ADAMTS13: variants seen among roughly 807,000 people sequenced by gnomAD.
ADAMTS13 encodes the protein ADAM metallopeptidase with thrombospondin type 1 motif 13, also known as A disintegrin and metalloproteinase with thrombospondin motifs 13.
A neutral mutation model predicts 155.1 loss-of-function variants in ADAMTS13; 110 were observed. The ratio of observed to expected loss-of-function variants is 0.71; its 90% CI spans 0.61 to 0.83. The LOEUF is 0.83. Among genes scored for constraint, ADAMTS13 ranks in the 40% least tolerant of loss-of-function variants. The probability of loss-of-function intolerance (pLI) is 0.00; values close to 1 mark genes in which losing one functional copy is unlikely to be tolerated. For missense variants in ADAMTS13, 1,707 were observed against 1,891.7 expected (o/e 0.90, Z 1.81); for synonymous variants, 758 against 756.4 (o/e 1.00, Z -0.03).
intron 23 of ADAMTS13, among the ~76,000 whole-genome samples, chr9:133,453,069 A>G (rs1446578757): frequency 6.6e-6 from 1 of 151,732 alleles, no homozygotes; most frequent in African/African-American, 2.4e-5. Context: ...TGGGAGGCTG[A>G]GGCGGGAGGA....
At chr9:133,414,503 C>T (rs1839436846) in exon 1 of ADAMTS13, 1 of 745,004 alleles carries the variant, frequency 1.3e-6, no homozygotes, top group Non-Finnish European at 2.4e-6. Flanking sequence ...ATCATGCGCA[C>T]ACTCTAGGGG....
Position 133,459,299 on chromosome 9 carries a change from G to A in ADAMTS13, c.*119G>A. The A allele has an allele frequency of 9.5e-7, 1 of 1,052,922 alleles. No homozygotes were observed. The highest frequency in any genetic ancestry group is 2.9e-4 in the Middle Eastern group (1 of 3,464). 65.2% of individuals were successfully genotyped at this position (1,052,922 alleles called of 1,614,324 possible). A position where few individuals can be genotyped will look rare whatever the true frequency, so the allele number is the denominator to read the frequency against. ...TATCTACTTTAGAGTCTTCTCCAAT[G>A]TCCAAAAGGCTAGGGGGTTGGAGGT... On this transcript the variant is annotated 3_prime_UTR_variant, in exon 29 of 29. Transcript: ENST00000355699.
At chr9:133,431,656 A>T (rs1840775383) in intron 8 of ADAMTS13, among the ~76,000 whole-genome samples, 1 of 145,474 alleles carries the variant, frequency 6.9e-6, no homozygotes, top group African/African-American at 2.5e-5. Context: ...ATTTTATTTT[A>T]TTTATTTATT....
chr9:133,446,263 G>A (rs1017297351), intron 21 of ADAMTS13, among the ~76,000 whole-genome samples: 2 of 152,190 alleles, frequency 1.3e-5, no homozygotes, highest in South Asian at 2.1e-4. Context: ...ATTGTTGTGC[G>A]GCCATCACCA....
Position 133,425,415 on chromosome 9 carries a change from TG to T in ADAMTS13, c.331-112del. ...CGCCCCGCCCGGTTCCCACACATGCTGGTGGAGTAGCCTCTCCAGCTCTTCA... is the reference window on the plus strand; with the variant it reads ...CGCCCCGCCCGGTTCCCACACATGCTGTGGAGTAGCCTCTCCAGCTCTTCA... On this transcript the variant is annotated intron_variant, in intron 3 of 28. Coordinates refer to ENST00000355699, the MANE Select transcript of ADAMTS13 (RefSeq NM_139027.6). The surrounding 1 kb of genome is among the most constrained non-coding windows in gnomAD (Gnocchi z 4.6). 1.2e-6 allele frequency: 1 copy of T among 843,942 alleles called. No individual in the cohort carries two copies. Among genetic ancestry groups the T allele is most frequent in the Non-Finnish European group, 1.9e-6 (1 of 527,604 alleles). The allele number at this position is 843,942 out of a possible 1,614,324, so 52.3% of individuals were successfully genotyped here.
intron 27 of ADAMTS13, among the ~76,000 whole-genome samples, 182 bp from the exon 28 acceptor site, chr9:133,457,728 G>A (rs1357159403): frequency 6.6e-6 from 1 of 152,230 alleles, no homozygotes; most frequent in African/African-American, 2.4e-5. Context: ...AGAACATTTA[G>A]CCTTTGCCTA....
At chr9:133,436,208 A>G (rs1841200927) in intron 11 of ADAMTS13, among the ~76,000 whole-genome samples, 1 of 151,274 alleles carries the variant, frequency 6.6e-6, no homozygotes, top group Non-Finnish European at 1.5e-5. Flanking sequence ...TCCTGCTTCG[A>G]TGGCCCTGGG....
chr9:133,439,094 A>G lies in ADAMTS13; in HGVS notation c.1706-272A>G, dbSNP rs587725486. ...ACCATTTGCAAATGCCAGTGCTTCT[A>G]TGGAGAGCAGAGACTTGAGCCCTGC... On this transcript the variant is annotated intron_variant, in intron 14 of 28. Coordinates refer to ENST00000355699, the MANE Select transcript of ADAMTS13 (RefSeq NM_139027.6). Among the ~76,000 whole-genome samples the G allele has an allele frequency of 3.3e-5, 5 of 152,266 alleles. No individual in the cohort carries two copies. The South Asian group carries it at 6.2e-4, about 19-fold the overall frequency.
Position 133,451,774 on chromosome 9 carries a change from C to G in ADAMTS13, c.3044+1809C>G, listed in dbSNP as rs745910649. ...GGCATGGTGGTGCATGCCAGTATCC[C>G]CAGCTACTCGGGAGGCTGAGGCAGG... On this transcript the variant is annotated intron_variant, in intron 23 of 28. Coordinates refer to ENST00000355699, the MANE Select transcript of ADAMTS13 (RefSeq NM_139027.6). Among the ~76,000 whole-genome samples the G allele has an allele frequency of 2.2e-3, 330 of 151,808 alleles. 2 individuals carry two copies. Among genetic ancestry groups the G allele is most frequent in the Middle Eastern group, 0.01 (3 of 294 alleles).
In ADAMTS13 at chr9:133,459,176, C is replaced by A; in HGVS notation, c.4112C>A (p.Thr1371Asn). 2 of 1,608,290 alleles carry A rather than the reference C, an allele frequency of 1.2e-6. No individual in the cohort carries two copies. The highest frequency in any genetic ancestry group is 1.7e-6 in the Non-Finnish European group (2 of 1,177,590). ...CAGTCCTGGAAGGGAAAGGAAGGAA[C>A]CTGAGGGTCATTGAACATTTGTTCC... ...DPQSWKGKEG[T>N] Residue 1371 changes from threonine to asparagine, a missense_variant, in exon 29 of 29, where the codon ACC becomes AAC. Physicochemically the swap from Thr to Asn is moderately conservative, Grantham distance 65 (BLOSUM62 0). Transcript: ENST00000355699.
At chr9:133,427,069 C>T (rs898624862) in intron 6 of ADAMTS13, among the ~76,000 whole-genome samples, 13 of 152,252 alleles carry the variant, frequency 8.5e-5, no homozygotes, top group Admixed American at 8.5e-4. Flanking sequence ...TCCCACAGTG[C>T]TGGGATTACA....
At chr9:133,443,325 AGGCCAGCCTGGGACCT>A in intron 18 of ADAMTS13, 35 bp from the exon 19 acceptor site, 1 of 1,555,712 alleles carries the variant, frequency 6.4e-7, no homozygotes, top group Non-Finnish European at 8.6e-7. Context: ...CCATCACCCC[AGGCCAGCCTGGGACCT>A]GGCCAGGGTC....
intron 15 of ADAMTS13, 115 bp downstream of exon 15, chr9:133,439,561 C>T (rs1564425499): frequency 2.2e-6 from 2 of 901,522 alleles, no homozygotes; most frequent in Non-Finnish European, 3.7e-6. Flanking sequence ...TTCCCCAAAC[C>T]ACCCTCAGGC....
At chr9:133,417,646 A>G (rs1402312628), upstream of ADAMTS13, 1 of 1,613,760 alleles carries the variant, frequency 6.2e-7, no homozygotes, top group Non-Finnish European at 8.5e-7. Context: ...CAGTTTTGAG[A>G]AAAGTCTTCT....
At chr9:133,448,532 G>A (rs1483605165) in intron 21 of ADAMTS13, 67 bp from the exon 22 acceptor site, 7 of 1,598,860 alleles carry the variant, frequency 4.4e-6, no homozygotes, top group East Asian at 2.2e-5. Context: ...GGTGTCCAGT[G>A]AGCCTGGGCT....
intron 2 of ADAMTS13, among the ~76,000 whole-genome samples, chr9:133,423,586 C>T (rs782267502): frequency 2.6e-5 from 4 of 152,216 alleles, no homozygotes; most frequent in African/African-American, 4.8e-5. Flanking sequence ...GGCCTGTCCC[C>T]ATTGCCCACA....
chr9:133,422,559 T>C lies in ADAMTS13; in HGVS notation c.105+11T>C. ...TCCCATTTCCAGCAGGTGGGCTCAT[T>C]TGCAGGAGCGGGGGTATTCTGGGAG... On this transcript the variant is annotated intron_variant, in intron 1 of 28. Transcript: ENST00000355699. The C allele has an allele frequency of 1.2e-6, 2 of 1,613,760 alleles. No homozygotes were observed. The highest frequency in any genetic ancestry group is 2.2e-5 in the East Asian group (1 of 44,868).
Position 133,456,175 on chromosome 9 carries a change from G to A in ADAMTS13, c.3507G>A (p.Val1169=), listed in dbSNP as rs782025363. 1.2e-6 allele frequency: 2 copies of A among 1,613,562 alleles called. No homozygotes were observed. The highest frequency in any genetic ancestry group is 1.7e-6 in the Non-Finnish European group (2 of 1,180,028). The change falls in exon 26 of 29, where the codon GTG becomes GTA. Residue 1169 remains valine, a synonymous_variant. Transcript: ENST00000355699. The surrounding 1 kb of genome is among the most constrained non-coding windows in gnomAD (Gnocchi z 4.4). ...VAIGRPLGEV[V]TLRVLESSLN... ...TTGGGCGGCCCCTCGGGGAGGTGGT[G>A]ACCCTCCGCGTCCTTGAGAGTTCTC...
chr9:133,443,400 A>C lies in ADAMTS13; in HGVS notation c.2259A>C (p.Pro753=), dbSNP rs782037951. Residue 753 remains proline, a synonymous_variant, in exon 19 of 29, where the codon CCA becomes CCC. Transcript: ENST00000355699. ...PPYWAVGDFG[P]CSASCGGGLR... is the part of the protein sequence containing the mutation. ...GCTGGGCGGTGGGAGACTTCGGCCCATGCAGCGCCTCCTGTGGGGGTGGCC... is the reference window on the plus strand; with the variant it reads ...GCTGGGCGGTGGGAGACTTCGGCCCCTGCAGCGCCTCCTGTGGGGGTGGCC... 3 of 1,598,698 alleles carry C rather than the reference A, an allele frequency of 1.9e-6. No individual in the cohort carries two copies. The highest frequency in any genetic ancestry group is 2.5e-6 in the Non-Finnish European group (3 of 1,177,814).
Sources: gnomAD v4.1 joint callset for allele counts (sites outside exome capture counted in the v4.1 genomes callset) on GRCh38, gnomAD v4.1.1 for gene constraint, Gnocchi (gnomAD v3.1) non-coding constraint, MANE v1.5 for transcripts, NCBI Gene and HGNC (gene_info 2026-07-23, HGNC 2026-07-21) for gene names.